The following REV1 variants were observed in gnomAD, a reference collection of about 807,000 sequenced individuals.
REV1 encodes REV1 DNA directed polymerase.
In REV1, 42 loss-of-function variants were observed where a neutral mutation model predicts 137.4. That is an observed-to-expected ratio of 0.31 (90% CI 0.24 to 0.40). REV1 has a LOEUF of 0.40. Among genes scored for constraint, REV1 ranks in the 10% least tolerant of loss-of-function variants. REV1 has a pLI of 1.00. For synonymous variants in REV1, 524 were observed against 519.2 expected, an observed-to-expected ratio of 1.01 and a Z score of -0.12; for missense variants, 1,282 against 1,490.1, an observed-to-expected ratio of 0.86 and a Z score of 2.30.
chr2:99,402,836 A>G, intron 20 of REV1, 36 bp from the exon 21 acceptor site: 1 of 1,613,452 alleles, frequency 6.2e-7, no homozygotes, highest in Non-Finnish European at 8.5e-7. Context: ...TGCTATATTC[A>G]CACATTATCC....
chr2:99,402,065 T>G (rs1675534153), intron 22 of REV1, among the ~76,000 whole-genome samples, 179 bp downstream of exon 22: 1 of 152,214 alleles, frequency 6.6e-6, no homozygotes, highest in South Asian at 2.1e-4. Flanking sequence ...TGTAAGACCT[T>G]GAGGGCAACA....
chr2:99,462,838 A>C, intron 2 of REV1: 1 of 409,600 alleles, frequency 2.4e-6, no homozygotes, highest in South Asian at 4.3e-5. Context: ...CTGTAATCCC[A>C]GCACTTTGGG....
chr2:99,461,739 T>C (rs769224068), intron 3 of REV1, among the ~76,000 whole-genome samples: 16 of 152,194 alleles, frequency 1.1e-4, no homozygotes, highest in Non-Finnish European at 2.1e-4. Flanking sequence ...GCTGGCCATA[T>C]GGAAGCTTGG....
chr2:99,409,866 C>CGG (rs1193588027), intron 14 of REV1, among the ~76,000 whole-genome samples: 2 of 92,802 alleles, frequency 2.2e-5, no homozygotes, highest in African/African-American at 8.4e-5. Context: ...CCCCCCCCCC[C>CGG]CAAAAAAAAC....
chr2:99,458,334 T>C (rs571019911), intron 3 of REV1, among the ~76,000 whole-genome samples: 3 of 152,174 alleles, frequency 2.0e-5, no homozygotes, highest in South Asian at 2.1e-4. Flanking sequence ...AATAAACACA[T>C]GAAAGAATGT....
chr2:99,403,656 T>G, intron 19 of REV1, 39 bp downstream of exon 19: 2 of 1,613,630 alleles, frequency 1.2e-6, no homozygotes, highest in Non-Finnish European at 1.7e-6. Flanking sequence ...CCATTACTCT[T>G]TGTCTTCATT....
At chr2:99,429,228 G>GAT (rs749390741) in intron 9 of REV1, among the ~76,000 whole-genome samples, 159 of 151,706 alleles carry the variant, frequency 1.0e-3, no homozygotes, top group Non-Finnish European at 1.8e-3. Flanking sequence ...TTATGAGGAA[G>GAT]ATATATATAT....
At chr2:99,469,545 G>A (rs28369936) in intron 1 of REV1, among the ~76,000 whole-genome samples, 4 of 152,216 alleles carry the variant, frequency 2.6e-5, no homozygotes, top group African/African-American at 9.7e-5. Flanking sequence ...GTAAGGTTAA[G>A]GCAAATGGGA....
In REV1 at chr2:99,401,106, G is replaced by T. The variant is rs1675329197; in HGVS notation, c.*135C>A. ...TGACAAATTTGGCACTTTTTGAAAA[G>T]AAATGTACAAAACACTTGCTTTAAA... is the stretch of plus-strand genomic sequence containing the variant. On this transcript the variant is annotated 3_prime_UTR_variant, in exon 23 of 23. Coordinates refer to ENST00000258428, the MANE Select transcript of REV1 (RefSeq NM_016316.4). The T allele has an allele frequency of 1.9e-6, 1 of 514,714 alleles. No individual in the cohort carries two copies. The highest frequency in any genetic ancestry group is 1.9e-5 in the African/African-American group (1 of 52,750). 31.9% of individuals were successfully genotyped at this position (514,714 alleles called of 1,614,324 possible).
intron 4 of REV1, among the ~76,000 whole-genome samples, chr2:99,446,218 C>T (rs1682185923): frequency 6.6e-6 from 1 of 152,144 alleles, no homozygotes; most frequent in Admixed American, 6.5e-5. Flanking sequence ...AACACCTGGA[C>T]TCTAAAACCT....
chr2:99,478,110 T>A (rs182326230), intron 1 of REV1, among the ~76,000 whole-genome samples: 1 of 151,980 alleles, frequency 6.6e-6, no homozygotes, highest in African/African-American at 2.4e-5. Context: ...TGCACACCTG[T>A]AGGTAGTCCC....
rs961020921 is a variant in REV1 at position 99,459,898 on chromosome 2, G to A, written c.181+2598C>T. Among the ~76,000 whole-genome samples the A allele has an allele frequency of 4.6e-5, 7 of 152,208 alleles. No individual in the cohort carries two copies. The South Asian group carries it at 1.2e-3, about 27-fold the overall frequency. The stretch of plus-strand genomic sequence containing the variant: ...GTATAGGGACTACGAAATCATGAGA[G>A]GCTCAAATGGCTGAACTGGGAGCTT... On this transcript the variant is annotated intron_variant, in intron 3 of 22. Transcript: ENST00000258428.
At chr2:99,480,726 T>C (rs1387913787) in intron 1 of REV1, among the ~76,000 whole-genome samples, 2 of 152,230 alleles carry the variant, frequency 1.3e-5, no homozygotes, top group Non-Finnish European at 2.9e-5. Context: ...AGTTCCAGCA[T>C]TCACAAATCC....
chr2:99,408,196 T>G, intron 14 of REV1, 65 bp from the exon 15 acceptor site: 1 of 851,054 alleles, frequency 1.2e-6, no homozygotes, highest in Non-Finnish European at 1.8e-6. Context: ...ACTAAAGTAG[T>G]ATGGAACTGT....
At chr2:99,434,134 A>G (rs1012409190) in intron 8 of REV1, among the ~76,000 whole-genome samples, 198 bp downstream of exon 8, 3 of 152,218 alleles carry the variant, frequency 2.0e-5, no homozygotes, top group African/African-American at 7.2e-5. Flanking sequence ...ATATCTTGTA[A>G]AACATTCTTC....
At chr2:99,430,081 A>G (rs1679924954) in intron 8 of REV1, 133 bp from the exon 9 acceptor site, 1 of 494,542 alleles carries the variant, frequency 2.0e-6, no homozygotes, top group African/African-American at 2.0e-5. Context: ...CTCTATTGGT[A>G]TTATCTCCTT....
intron 13 of REV1, 124 bp downstream of exon 13, chr2:99,412,607 T>C (rs921467944): frequency 2.1e-5 from 16 of 746,204 alleles, no homozygotes; most frequent in Non-Finnish European, 3.2e-5. Context: ...CTTAAGGCTC[T>C]GGGGATACAA....
At chr2:99,440,457 GA>G (rs772937394) in intron 5 of REV1, among the ~76,000 whole-genome samples, 1 of 152,178 alleles carries the variant, frequency 6.6e-6, no homozygotes, top group East Asian at 1.9e-4. Context: ...TGACTACACA[GA>G]AAAGTCCCAC....
chr2:99,438,840 C>T lies in REV1; in HGVS notation c.974G>A (p.Ser325Asn). The T allele has an allele frequency of 1.2e-6, 2 of 1,614,200 alleles. No individual in the cohort carries two copies. Among genetic ancestry groups the T allele is most frequent in the East Asian group, 2.2e-5 (1 of 44,892 alleles). The change falls in exon 6 of 23, where the codon AGC becomes AAC. Residue 325 changes from serine to asparagine, a missense_variant. Physicochemically the swap from Ser to Asn is conservative, Grantham distance 46 (BLOSUM62 1). Coordinates refer to ENST00000258428, the MANE Select transcript of REV1 (RefSeq NM_016316.4). ...GCTAAACGTAGATACTGAAGAAGTG[C>T]TTTTTGTGCTTGAAGGCCCCTGAAC... ...STVQGPSSTKSTSSVSTFSKA... is the reference protein window; with the variant it reads ...STVQGPSSTKNTSSVSTFSKA...
Sources: gnomAD v4.1 joint callset for allele counts (sites outside exome capture counted in the v4.1 genomes callset) on GRCh38, gnomAD v4.1.1 for gene constraint, MANE v1.5 for transcripts, NCBI Gene and HGNC (gene_info 2026-07-23, HGNC 2026-07-21) for gene names.